Variants in FAM184B observed in about 807,000 individuals in gnomAD.
FAM184B encodes the protein family with sequence similarity 184 member B.
In FAM184B, 111 loss-of-function variants were observed where a neutral mutation model predicts 135.9. The ratio of observed to expected loss-of-function variants is 0.82; its 90% CI spans 0.70 to 0.96. The LOEUF (loss-of-function observed/expected upper bound fraction) is 0.96, where lower values mean the gene tolerates loss of function less well. Among genes scored for constraint, FAM184B ranks in the 40% least tolerant of loss-of-function variants. FAM184B has a pLI of 0.00. For missense variants in FAM184B, 1,375 were observed against 1,323.9 expected (o/e 1.04, Z -0.60); for synonymous variants, 552 against 524.8 (o/e 1.05, Z -0.71).
intron 7 of FAM184B, among the ~76,000 whole-genome samples, chr4:17,665,362 A>G (rs1394613392): frequency 6.6e-6 from 1 of 152,220 alleles, no homozygotes; most frequent in African/African-American, 2.4e-5. Context: ...TCCTTCCCAC[A>G]GAGATACACA....
At chr4:17,696,606 G>GT (rs1483826303) in intron 5 of FAM184B, among the ~76,000 whole-genome samples, 1 of 152,178 alleles carries the variant, frequency 6.6e-6, no homozygotes, top group Non-Finnish European at 1.5e-5. Flanking sequence ...GAAGCCAGGA[G>GT]TTTGAGACTA....
At chr4:17,751,165 G>A (rs550573269) in intron 1 of FAM184B, among the ~76,000 whole-genome samples, 14 of 152,054 alleles carry the variant, frequency 9.2e-5, no homozygotes, top group Non-Finnish European at 1.8e-4. Context: ...AAATTTAGCC[G>A]GGTGTGGTGG....
intron 1 of FAM184B, among the ~76,000 whole-genome samples, chr4:17,748,388 T>C (rs2108987057): frequency 6.6e-6 from 1 of 152,128 alleles, no homozygotes; most frequent in East Asian, 1.9e-4. Flanking sequence ...GATAGAGTTG[T>C]CCCTGTCAGA....
At chr4:17,750,484 C>T (rs546408481) in intron 1 of FAM184B, among the ~76,000 whole-genome samples, 57 of 152,326 alleles carry the variant, frequency 3.7e-4, no homozygotes, top group African/African-American at 1.3e-3. Flanking sequence ...TGCAGGGTTT[C>T]ACTCTCAGTG....
chr4:17,659,678 G>T lies in FAM184B; in HGVS notation c.1824+280C>A, dbSNP rs560738031. 2.7e-3 allele frequency among the ~76,000 whole-genome samples: 406 copies of T among 152,230 alleles called. 1 individual carries two copies. Among genetic ancestry groups the T allele is most frequent in the Non-Finnish European group, 4.8e-3 (325 of 68,006 alleles). ...TTTTTGTATTTTTAGTAGAGATGGG[G>T]TTTCACCATGTTGGCCAGGCTGGTC... On this transcript the variant is annotated intron_variant, in intron 9 of 17. Transcript: ENST00000265018.
intron 5 of FAM184B, among the ~76,000 whole-genome samples, chr4:17,702,300 T>C (rs1352946572): frequency 6.6e-6 from 1 of 152,176 alleles, no homozygotes; most frequent in East Asian, 1.9e-4. Context: ...CAGGAGGTGC[T>C]GAATACATCA....
chr4:17,696,310 T>C (rs1488958732), intron 5 of FAM184B, among the ~76,000 whole-genome samples: 1 of 152,178 alleles, frequency 6.6e-6, no homozygotes, highest in African/African-American at 2.4e-5. Flanking sequence ...TAGTTCCTAG[T>C]ACAGAAAAAT....
At chr4:17,679,060 C>CA (rs1184718172) in intron 7 of FAM184B, among the ~76,000 whole-genome samples, 1 of 152,022 alleles carries the variant, frequency 6.6e-6, no homozygotes, top group Non-Finnish European at 1.5e-5. Context: ...ATCTAAGACC[C>CA]AAAACCATAA....
chr4:17,768,255 T>C (rs937479715), intron 1 of FAM184B, among the ~76,000 whole-genome samples: 1 of 152,250 alleles, frequency 6.6e-6, no homozygotes, highest in African/African-American at 2.4e-5. Context: ...AGATTTGGCC[T>C]GTGGGCCATA....
intron 7 of FAM184B, among the ~76,000 whole-genome samples, chr4:17,686,328 C>T (rs1218579532): frequency 6.6e-6 from 1 of 152,222 alleles, no homozygotes; most frequent in Non-Finnish European, 1.5e-5. Context: ...ATGAGGGTGC[C>T]TCTGCTCCTT....
intron 16 of FAM184B, 189 bp from the exon 17 acceptor site, chr4:17,634,077 T>C (rs1715051099): frequency 2.2e-6 from 1 of 456,604 alleles, no homozygotes; most frequent in African/African-American, 2.0e-5. Context: ...TATAAATAAA[T>C]ATGTATGTTC....
chr4:17,655,033 C>T (rs1577248861), intron 10 of FAM184B, among the ~76,000 whole-genome samples: 2 of 152,080 alleles, frequency 1.3e-5, no homozygotes, highest in East Asian at 3.9e-4. Flanking sequence ...TTTTGTAGTG[C>T]TTAGTTCTCC....
At chr4:17,777,669 A>G (rs868049941) in intron 1 of FAM184B, among the ~76,000 whole-genome samples, 1 of 152,222 alleles carries the variant, frequency 6.6e-6, no homozygotes, top group African/African-American at 2.4e-5. Context: ...ATGCAACACA[A>G]AGACAAAATC....
chr4:17,702,368 G>A (rs1005935993), intron 5 of FAM184B, among the ~76,000 whole-genome samples: 1 of 152,138 alleles, frequency 6.6e-6, no homozygotes, highest in Non-Finnish European at 1.5e-5. Context: ...GATGTGTACT[G>A]TGCTGTCCAT....
chr4:17,647,657 CCTTGCTGTCTCCTGGACACTGGCTGCTGG>C lies in FAM184B; in HGVS notation c.2297_2325del (p.Ala766GlyfsTer99), dbSNP rs1560166959. On this transcript the variant is annotated frameshift_variant, in exon 12 of 18. Coordinates refer to ENST00000265018, the MANE Select transcript of FAM184B (RefSeq NM_015688.2). LOFTEE classifies it high-confidence loss of function. ...CTGACCTCTGTGGCGATTATGTGAT[CCTTGCTGTCTCCTGGACACTGGCTGCTGG>C]CTTGCTGTCTGCCCAGAGCCCTCAG... The C allele has an allele frequency of 1.3e-6, 2 of 1,550,552 alleles. No individual in the cohort carries two copies. Among genetic ancestry groups the C allele is most frequent in the African/African-American group, 1.4e-5 (1 of 73,120 alleles).
At position 17,781,271 on chromosome 4, in the gene FAM184B, T is replaced by G. The variant is rs577256757; in HGVS notation, c.29A>C (p.Asn10Thr). The part of the protein sequence containing the change: MASALNSKI[N>T]PPGTCQGSKA... The stretch of plus-strand genomic sequence containing the variant: ...GGAGCCCTGGCAAGTGCCGGGCGGG[T>G]TAATTTTGCTGTTGAGAGCAGAAGC... The change falls in exon 1 of 18, where the codon AAC becomes ACC. Residue 10 changes from asparagine (N) to threonine (T), a missense_variant. Asn to Thr is a moderately conservative substitution (Grantham distance 65). Coordinates refer to ENST00000265018, the MANE Select transcript of FAM184B (RefSeq NM_015688.2). The surrounding 1 kb of genome is among the most constrained non-coding windows in gnomAD (Gnocchi z 6.5). The G allele has an allele frequency of 6.5e-7, 1 of 1,549,808 alleles. No individual in the cohort carries two copies. The highest frequency in any genetic ancestry group is 1.2e-5 in the South Asian group (1 of 83,726).
chr4:17,728,629 A>C (rs1717697124), intron 1 of FAM184B, among the ~76,000 whole-genome samples: 1 of 152,136 alleles, frequency 6.6e-6, no homozygotes, highest in African/African-American at 2.4e-5. Flanking sequence ...AGGAAGGAAG[A>C]GTGCTGCGGA....
At chr4:17,767,293 C>A (rs1341132127) in intron 1 of FAM184B, among the ~76,000 whole-genome samples, 6 of 152,194 alleles carry the variant, frequency 3.9e-5, no homozygotes, top group Non-Finnish European at 8.8e-5. Flanking sequence ...CAAGCGTGGC[C>A]AGAGTGGGCT....
rs367894843 is a variant in FAM184B, at chr4:17,720,014, C to T, written c.142-10370G>A. Among the ~76,000 whole-genome samples, 20 of 152,338 alleles carry T rather than the reference C, an allele frequency of 1.3e-4. No individual in the cohort carries two copies. The East Asian group carries it at 3.5e-3, about 26-fold the overall frequency. On this transcript the variant is annotated intron_variant, in intron 1 of 17. Transcript: ENST00000265018. Reference sequence around the variant, plus strand: ...GACCGCTGACCACTCCTTCTCATCTCTTTGGCTAGTTACATCCTCCTCAAC... The same window carrying T: ...GACCGCTGACCACTCCTTCTCATCTTTTTGGCTAGTTACATCCTCCTCAAC...
Sources: gnomAD v4.1 joint callset for allele counts (sites outside exome capture counted in the v4.1 genomes callset) on GRCh38, gnomAD v4.1.1 for gene constraint, Gnocchi (gnomAD v3.1) non-coding constraint, MANE v1.5 for transcripts, NCBI Gene and HGNC (gene_info 2026-07-23, HGNC 2026-07-21) for gene names.